RGS5: variants seen among roughly 807,000 people sequenced by gnomAD.
The protein encoded by RGS5 is regulator of G-protein signalling 5.
RGS5 carries 20 observed loss-of-function variants against 18.9 expected under a neutral mutation model. The observed-to-expected ratio is 1.06, with a 90% confidence interval of 0.74 to 1.54. RGS5 has a LOEUF of 1.54. Ranked by LOEUF, RGS5 falls within the 40% of genes most tolerant of loss-of-function variation. RGS5 has a pLI of 0.00. For synonymous variants in RGS5, 57 were observed against 76.2 expected, an observed-to-expected ratio of 0.75 and a Z score of 1.31; for missense variants, 201 against 211.8, an observed-to-expected ratio of 0.95 and a Z score of 0.32.
At position 163,161,977 on chromosome 1, in the gene RGS5, C is replaced by T; in HGVS notation, c.156-1G>A. ...CTGCAGGGCCTCGTCCAGCGAGGTT[C>T]TACATCAATAATAAGGAGAGAAAAG... On this transcript the variant is annotated splice_acceptor_variant, in intron 2 of 4. Transcript: ENST00000313961. LOFTEE classifies it high-confidence loss of function. The T allele has an allele frequency of 6.2e-7, 1 of 1,612,038 alleles. No individual in the cohort carries two copies. The highest frequency in any genetic ancestry group is 8.5e-7 in the Non-Finnish European group (1 of 1,178,330).
At chr1:163,225,902 A>G (rs569946688) in intron 2 of RGS5, among the ~76,000 whole-genome samples, 2 of 148,052 alleles carry the variant, frequency 1.4e-5, no homozygotes, top group Admixed American at 6.8e-5. Flanking sequence ...CAATTCAGTT[A>G]GGAGGTCAAA....
rs1315372347 is a variant in RGS5, at chr1:163,147,479, C to T, written c.409G>A (p.Asp137Asn). Reference sequence around the variant, plus strand: ...TCCACCAGGTTCTTCATTGTGATGTCCTTAGTGAAGTGGTCAATATTCACC... The same window carrying T: ...TCCACCAGGTTCTTCATTGTGATGTTCTTAGTGAAGTGGTCAATATTCACC... ...KEVNIDHFTK[D>N]ITMKNLVEPS... The change falls in exon 5 of 5, where the codon GAC (aspartate) becomes AAC (asparagine). Residue 137 changes from aspartate to asparagine, a missense_variant. Transcript: ENST00000313961. 13 of 1,606,704 alleles carry T rather than the reference C, an allele frequency of 8.1e-6. No individual in the cohort carries two copies. Among genetic ancestry groups the T allele is most frequent in the African/African-American group, 1.3e-5 (1 of 74,418 alleles).
rs553828762 is a variant in RGS5, at chr1:163,310,358, G to A, written c.-377-4029C>T. ...TCCCAGCACTTTGGGAGGCCGAAGC[G>A]GGCGGATCACGAGGTCAGGAGATCA... On this transcript the variant is annotated intron_variant, in intron 1 of 5. Coordinates refer to the RGS5 transcript ENST00000618415. Among the ~76,000 whole-genome samples the A allele has an allele frequency of 6.6e-4, 101 of 152,162 alleles. 1 individual carries two copies. Among genetic ancestry groups the A allele is most frequent in the Admixed American group, 2.1e-3 (32 of 15,282 alleles).
intron 2 of RGS5, among the ~76,000 whole-genome samples, chr1:163,296,783 A>T (rs1649428444): frequency 6.6e-6 from 1 of 152,220 alleles, no homozygotes; most frequent in South Asian, 2.1e-4. Flanking sequence ...TGCTCAAGGT[A>T]CACTACCCCA....
At chr1:163,273,883 T>C (rs1648784190) in intron 2 of RGS5, among the ~76,000 whole-genome samples, 1 of 152,178 alleles carries the variant, frequency 6.6e-6, no homozygotes, top group Admixed American at 6.6e-5. Flanking sequence ...GAAATCTGAT[T>C]CTCTGGAATG....
At chr1:163,320,130 T>C (rs1462858827) in intron 1 of RGS5, among the ~76,000 whole-genome samples, 2 of 152,234 alleles carry the variant, frequency 1.3e-5, no homozygotes, top group African/African-American at 4.8e-5. Context: ...CATTTTTCTC[T>C]TTCTCCATGG....
At chr1:163,221,518 A>G (rs1001123210), upstream of RGS5, among the ~76,000 whole-genome samples, 1 of 148,898 alleles carries the variant, frequency 6.7e-6, no homozygotes, top group Non-Finnish European at 1.5e-5. Flanking sequence ...CAATCAATCA[A>G]TCAATAAAAT....
At chr1:163,237,534 A>G (rs1263154770) in intron 2 of RGS5, among the ~76,000 whole-genome samples, 1 of 151,778 alleles carries the variant, frequency 6.6e-6, no homozygotes, top group Non-Finnish European at 1.5e-5. Flanking sequence ...AAAATCCAAT[A>G]ATTAACCAGG....
rs1648943812 is a variant in RGS5, at chr1:163,279,721, T to C, written c.-281+26512A>G. Among the ~76,000 whole-genome samples, 3 of 151,696 alleles carry C rather than the reference T, an allele frequency of 2.0e-5. No homozygotes were observed. The South Asian group carries it at 6.2e-4, about 31-fold the overall frequency. ...AACACAAAACAAAAGATAAATAAAA[T>C]GAAAAATTGGATTTTTGATAAGATA... On this transcript the variant is annotated intron_variant, in intron 2 of 5. Coordinates refer to the RGS5 transcript ENST00000618415.
Position 163,186,228 on chromosome 1 carries a change from G to A in RGS5, c.44+16564C>T, listed in dbSNP as rs571275638. 3.3e-5 allele frequency among the ~76,000 whole-genome samples: 5 copies of A among 149,912 alleles called. No homozygotes were observed. The South Asian group carries it at 6.3e-4, about 19-fold the overall frequency. ...TGGGATTACAGGTGCCCACCACCAC[G>A]CCTGGCTAATTTTTGTATTTTTAGT... is the stretch of plus-strand genomic sequence containing the variant. On this transcript the variant is annotated intron_variant, in intron 1 of 4. Transcript: ENST00000313961.
chr1:163,243,644 A>AAAG (rs1491547413), intron 2 of RGS5, among the ~76,000 whole-genome samples: 1 of 27,834 alleles, frequency 3.6e-5, no homozygotes, highest in Non-Finnish European at 7.1e-5. Flanking sequence ...ACTCCGTCTC[A>AAAG]AAAAAAAAAA....
intron 2 of RGS5, among the ~76,000 whole-genome samples, chr1:163,255,822 A>C (rs2101701788): frequency 6.6e-6 from 1 of 152,222 alleles, no homozygotes; most frequent in South Asian, 2.1e-4. Flanking sequence ...CAAATCAATA[A>C]ATGTAATCCA....
chr1:163,264,705 C>G (rs953642581), intron 2 of RGS5, among the ~76,000 whole-genome samples: 2 of 152,068 alleles, frequency 1.3e-5, no homozygotes, highest in African/African-American at 4.8e-5. Context: ...TGGTAAATTC[C>G]AATATTTCAA....
intron 2 of RGS5, among the ~76,000 whole-genome samples, chr1:163,300,104 G>C (rs1461617808): frequency 6.6e-6 from 1 of 152,118 alleles, no homozygotes; most frequent in Non-Finnish European, 1.5e-5. Flanking sequence ...CTCTTTTCTA[G>C]AGAGGCAGAA....
chr1:163,274,046 T>C (rs1172108966), intron 2 of RGS5, among the ~76,000 whole-genome samples: 1 of 152,170 alleles, frequency 6.6e-6, no homozygotes, highest in Non-Finnish European at 1.5e-5. Flanking sequence ...TGTGTGTGAA[T>C]TGGCATGGAA....
rs1469552509 is a variant in RGS5, at chr1:163,147,265, T to C, written c.*77A>G. The C allele has an allele frequency of 1.2e-5, 18 of 1,441,266 alleles. No homozygotes were observed. The highest frequency in any genetic ancestry group is 1.7e-5 in the Non-Finnish European group (18 of 1,073,632). The allele number at this position is 1,441,266 out of a possible 1,614,324, so 89.3% of individuals were successfully genotyped here. On this transcript the variant is annotated 3_prime_UTR_variant, in exon 5 of 5. Coordinates refer to ENST00000313961, the MANE Select transcript of RGS5 (RefSeq NM_003617.4). ...ACTGAGCAAAGCTGCTGTGGGAAGA[T>C]ATGTAGATTAATGGGAAATGCAGGG...
chr1:163,220,522 T>C (rs1027851455), upstream of RGS5, among the ~76,000 whole-genome samples: 2 of 152,200 alleles, frequency 1.3e-5, no homozygotes, highest in South Asian at 2.1e-4. Context: ...TCTAGCTCTT[T>C]GATTCTTTAC....
rs560148807 is a variant in RGS5, at chr1:163,169,453, G to A, written c.45-1085C>T. Among the ~76,000 whole-genome samples the A allele has an allele frequency of 5.3e-5, 8 of 152,260 alleles. No individual in the cohort carries two copies. In the East Asian group the frequency reaches 1.5e-3, roughly 29 times the overall value. ...GAATCGCCACACTGACTTCCACAAT[G>A]GTTGAACTAGTTTACAGTCTCACCA... is the stretch of plus-strand genomic sequence containing the variant. On this transcript the variant is annotated intron_variant, in intron 1 of 4. Transcript: ENST00000313961.
intron 2 of RGS5, among the ~76,000 whole-genome samples, chr1:163,223,009 T>C (rs950095031): frequency 1.3e-5 from 2 of 151,904 alleles, no homozygotes; most frequent in Non-Finnish European, 2.9e-5. Context: ...CACATTTGGC[T>C]AATTTTTGTA....
Sources: gnomAD v4.1 joint callset for allele counts (sites outside exome capture counted in the v4.1 genomes callset) on GRCh38, gnomAD v4.1.1 for gene constraint, MANE v1.5 for transcripts, NCBI Gene and HGNC (gene_info 2026-07-23, HGNC 2026-07-21) for gene names.